MYBPC1: variants seen among roughly 807,000 people sequenced by gnomAD.
MYBPC1 encodes myosin-binding protein C, slow-type.
A neutral mutation model predicts 147.1 loss-of-function variants in MYBPC1; 52 were observed. The ratio of observed to expected loss-of-function variants is 0.35; its 90% CI spans 0.28 to 0.45. The LOEUF (loss-of-function observed/expected upper bound fraction) is 0.45. Ranked by LOEUF, MYBPC1 falls within the 20% of genes least tolerant of loss-of-function variation. MYBPC1 has a pLI of 1.00. For synonymous variants in MYBPC1, 477 were observed against 475.9 expected (o/e 1.00, Z -0.03); for missense variants, 1,228 against 1,440.3 (o/e 0.85, Z 2.39).
At position 101,636,666 on chromosome 12, in the gene MYBPC1, C is replaced by T. The variant is rs753581865; in HGVS notation, c.609-6C>T. 30 of 1,613,200 alleles carry T rather than the reference C, an allele frequency of 1.9e-5. No individual in the cohort carries two copies. Among genetic ancestry groups the T allele is most frequent in the East Asian group, 4.5e-5 (2 of 44,842 alleles). Reference sequence around the variant, plus strand: ...CCCAGATTTGCTTTTCTTTTGTTAACGACAGTGGAGAAGGTCAAGAGGATG... The same window carrying T: ...CCCAGATTTGCTTTTCTTTTGTTAATGACAGTGGAGAAGGTCAAGAGGATG... On this transcript the variant is annotated splice_polypyrimidine_tract_variant and splice_region_variant and intron_variant, in intron 9 of 31. Transcript: ENST00000361466.
At chr12:101,693,008 G>A in the MYBPC1 span, among the ~76,000 whole-genome samples, 5 of 149,498 alleles carry the variant, frequency 3.3e-5, no homozygotes, top group African/African-American at 2.5e-5. Context: ...GTGCAGTGGC[G>A]CGATCTCAGC....
chr12:101,621,497 T>C (rs1271744266), intron 3 of MYBPC1, among the ~76,000 whole-genome samples: 1 of 152,200 alleles, frequency 6.6e-6, no homozygotes, highest in African/African-American at 2.4e-5. Context: ...CCATATTTTA[T>C]TGCTGTTGTT....
At chr12:101,661,839 G>A (rs1896599564) in intron 20 of MYBPC1, among the ~76,000 whole-genome samples, 1 of 148,088 alleles carries the variant, frequency 6.8e-6, no homozygotes, top group Non-Finnish European at 1.5e-5. Flanking sequence ...GGAGGTTGCA[G>A]TGAGCCAAGA....
At chr12:101,662,679 A>G in intron 21 of MYBPC1, 133 bp downstream of exon 21, 1 of 951,494 alleles carries the variant, frequency 1.1e-6, no homozygotes. Context: ...TGAAACAGTT[A>G]GGTACAATTT....
rs10745920 is a variant in MYBPC1 at position 101,668,192 on chromosome 12, C to A, written c.2524+293C>A. 0.77 allele frequency among the ~76,000 whole-genome samples: 116,780 copies of A among 151,960 alleles called. 47,178 individuals are homozygous for A. The highest frequency in any genetic ancestry group is 0.99 in the East Asian group (5,131 of 5,170). On this transcript the variant is annotated intron_variant, in intron 23 of 31. Transcript: ENST00000361466. ...ATTTACAGTGGAGAGAGAGTATGTT[C>A]ATACAACCATGCAAACAATCCCTAC...
rs142226152 is a variant in MYBPC1, at chr12:101,633,166, G to T, written c.556+1028G>T. On this transcript the variant is annotated intron_variant, in intron 8 of 31. Transcript: ENST00000361466. ...CTTTAGCCGTGGTCACTATACCTCT[G>T]CCTGGACCTCTTCTCGAGTAGAGTA... is the stretch of plus-strand genomic sequence containing the variant. 6.6e-3 allele frequency among the ~76,000 whole-genome samples: 1,003 copies of T among 152,256 alleles called. 7 individuals carry two copies. Among genetic ancestry groups the T allele is most frequent in the African/African-American group, 0.023 (940 of 41,516 alleles).
At chr12:101,598,020 T>C (rs889192675) in intron 1 of MYBPC1, among the ~76,000 whole-genome samples, 7 of 149,542 alleles carry the variant, frequency 4.7e-5, no homozygotes, top group Non-Finnish European at 7.4e-5. Flanking sequence ...ACCTTTCTTT[T>C]TTTTTTTTTT....
At chr12:101,638,927 G>T (rs890258286) in intron 10 of MYBPC1, among the ~76,000 whole-genome samples, 14 of 152,132 alleles carry the variant, frequency 9.2e-5, no homozygotes, top group African/African-American at 3.4e-4. Flanking sequence ...AAATCATTGT[G>T]TTTTCCTACT....
intron 18 of MYBPC1, among the ~76,000 whole-genome samples, chr12:101,656,383 T>A (rs1008784499): frequency 6.6e-6 from 1 of 152,110 alleles, no homozygotes; most frequent in African/African-American, 2.4e-5. Context: ...ATGGTCCAAA[T>A]ATACAAATTA....
intron 3 of MYBPC1, among the ~76,000 whole-genome samples, chr12:101,624,474 G>A (rs825069): frequency 0.48 from 72,478 of 151,564 alleles, 17,852 homozygotes; most frequent in East Asian, 0.66. Flanking sequence ...GAAATCCACA[G>A]TTATTCTAGT....
At chr12:101,663,703 A>G in intron 22 of MYBPC1, 143 bp downstream of exon 22, 1 of 979,096 alleles carries the variant, frequency 1.0e-6, no homozygotes, top group Non-Finnish European at 1.5e-6. Flanking sequence ...TCTGAGATGT[A>G]TATAAACTAA....
chr12:101,695,073 T>C, the MYBPC1 span, among the ~76,000 whole-genome samples: 1 of 152,228 alleles, frequency 6.6e-6, no homozygotes, highest in South Asian at 2.1e-4. Context: ...CACCAGATCA[T>C]GCCAGGTTGT....
chr12:101,608,722 G>A (rs992856332), intron 1 of MYBPC1, among the ~76,000 whole-genome samples: 1 of 152,206 alleles, frequency 6.6e-6, no homozygotes, highest in African/African-American at 2.4e-5. Context: ...TTTAAAAGCG[G>A]GGGATTCCTT....
At chr12:101,679,016 G>A (rs892049926) in intron 28 of MYBPC1, among the ~76,000 whole-genome samples, 1 of 152,056 alleles carries the variant, frequency 6.6e-6, no homozygotes, top group African/African-American at 2.4e-5. Context: ...GGGCATGGTG[G>A]CACATGCCTG....
intron 7 of MYBPC1, 148 bp from the exon 8 acceptor site, chr12:101,631,873 G>A (rs1389228561): frequency 2.8e-5 from 37 of 1,342,762 alleles, no homozygotes; most frequent in Non-Finnish European, 3.9e-5. Flanking sequence ...CGATTGCCCG[G>A]CTGTGTCCGG....
At chr12:101,684,269 T>A (rs912348720) in intron 30 of MYBPC1, 113 bp from the exon 31 acceptor site, 6 of 850,274 alleles carry the variant, frequency 7.1e-6, no homozygotes, top group Non-Finnish European at 1.2e-5. Flanking sequence ...ATTAATGAAA[T>A]CACCTCTTCA....
At chr12:101,616,861 T>C (rs1004023521) in intron 2 of MYBPC1, among the ~76,000 whole-genome samples, 3 of 152,218 alleles carry the variant, frequency 2.0e-5, no homozygotes, top group African/African-American at 7.2e-5. Context: ...TGCTGAGGTC[T>C]AAAATAAAGT....
At chr12:101,627,826 G>C (rs199533849) in intron 5 of MYBPC1, 22 bp downstream of exon 5, 1 of 1,609,802 alleles carries the variant, frequency 6.2e-7, no homozygotes, top group South Asian at 1.1e-5. Context: ...CCCAGAGAAG[G>C]CATCCTGACC....
Position 101,632,137 on chromosome 12 carries a change from C to T in MYBPC1, c.555C>T (p.His185=), listed in dbSNP as rs111313254. 107 of 1,596,984 alleles carry T rather than the reference C, an allele frequency of 6.7e-5. No individual in the cohort carries two copies. The highest frequency in any genetic ancestry group is 2.0e-4 in the African/African-American group (15 of 74,518). The change falls in exon 8 of 32, where the codon CAC becomes CAT. Residue 185 remains histidine (H), a splice_region_variant and synonymous_variant. Coordinates refer to ENST00000361466, the MANE Select transcript of MYBPC1 (RefSeq NM_002465.4). ...FDSCSFDLEV[H]ESTGTTPNID... is the part of the protein sequence containing the mutation. ...GCTGTTCATTTGATCTTGAAGTGCA[C>T]GGTAAGAGAGCCTTCTTGCCTAGAT... is the stretch of plus-strand genomic sequence containing the variant.
Sources: allele counts gnomAD v4.1 joint callset (sites outside exome capture counted in the v4.1 genomes callset), GRCh38; gene constraint gnomAD v4.1.1; transcripts MANE v1.5; gene names NCBI Gene and HGNC (gene_info 2026-07-23, HGNC 2026-07-21).